The following SRPRB variants were observed in gnomAD, a reference collection of about 807,000 sequenced individuals.
SRPRB encodes the protein SRP receptor subunit beta, also known as signal recognition particle receptor subunit beta.
Under a neutral mutation model 31.9 loss-of-function variants are expected in SRPRB, and 20 were observed. The ratio of observed to expected loss-of-function variants is 0.63; its 90% CI spans 0.44 to 0.91. The LOEUF is 0.91. Among genes scored for constraint, SRPRB ranks in the 40% least tolerant of loss-of-function variants. SRPRB has a pLI of 0.00. For synonymous variants in SRPRB, 146 were observed against 132.8 expected (o/e 1.10, Z -0.68); for missense variants, 321 against 324.9 (o/e 0.99, Z 0.09).
intron 1 of SRPRB, chr3:133,785,179 T>G (rs1576372207): frequency 1.2e-5 from 1 of 82,608 alleles, no homozygotes; most frequent in Non-Finnish European, 2.5e-5. Context: ...GGTGGGGGGG[T>G]CAGCCCTCCG....
At chr3:133,810,529 G>A (rs1935240835) in intron 3 of SRPRB, 1 of 152,208 alleles carries the variant, frequency 6.6e-6, no homozygotes, top group Non-Finnish European at 1.5e-5. Flanking sequence ...CTCAGGAATT[G>A]ACACAAATGC....
chr3:133,784,500 A>G (rs889316343), intron 1 of SRPRB: 5 of 150,488 alleles, frequency 3.3e-5, no homozygotes, highest in Non-Finnish European at 7.4e-5. Context: ...AATAATAATA[A>G]TAATAATAGG....
At chr3:133,786,848 T>C (rs936011031) in intron 1 of SRPRB, 4 of 152,244 alleles carry the variant, frequency 2.6e-5, no homozygotes, top group Non-Finnish European at 5.9e-5. Flanking sequence ...AAACATCTTA[T>C]CTATGTAGAT....
upstream of SRPRB, among the ~76,000 whole-genome samples, chr3:133,804,164 C>T (rs1935108926): frequency 6.6e-6 from 1 of 151,390 alleles, no homozygotes; most frequent in Non-Finnish European, 1.5e-5. Context: ...CTATGTTGCC[C>T]AGGCTGGTCT....
At chr3:133,809,633 C>G (rs756483599) in intron 3 of SRPRB, among the ~76,000 whole-genome samples, 2 of 152,040 alleles carry the variant, frequency 1.3e-5, no homozygotes, top group Non-Finnish European at 2.9e-5. Flanking sequence ...TGCTTTAAAT[C>G]TGTACCTTCT....
upstream of SRPRB, among the ~76,000 whole-genome samples, chr3:133,802,584 G>A (rs565466656): frequency 1.2e-4 from 19 of 152,222 alleles, no homozygotes; most frequent in African/African-American, 4.6e-4. Flanking sequence ...CCTTGTCAAA[G>A]GAGCCTCTCT....
At chr3:133,817,034 A>G in intron 6 of SRPRB, 102 bp downstream of exon 6, 1 of 845,258 alleles carries the variant, frequency 1.2e-6, no homozygotes. Flanking sequence ...GATTATCACA[A>G]TTATAGACTG....
At chr3:133,813,012 ACT>A (rs1171552610) in intron 4 of SRPRB, among the ~76,000 whole-genome samples, 2 of 151,936 alleles carry the variant, frequency 1.3e-5, no homozygotes, top group East Asian at 3.9e-4. Flanking sequence ...TTCATTTGTA[ACT>A]CTATTTGGCC....
At chr3:133,804,392 G>C (rs1935112807), upstream of SRPRB, among the ~76,000 whole-genome samples, 1 of 152,074 alleles carries the variant, frequency 6.6e-6, no homozygotes, top group Non-Finnish European at 1.5e-5. Context: ...CATTGCAATG[G>C]GACTACGCAT....
At chr3:133,817,971 C>T (rs922562411) in intron 6 of SRPRB, among the ~76,000 whole-genome samples, 6 of 152,190 alleles carry the variant, frequency 3.9e-5, no homozygotes, top group Non-Finnish European at 8.8e-5. Flanking sequence ...AAATATGCGA[C>T]AAAATATTTA....
chr3:133,790,644 T>A (rs1288629446), intron 1 of SRPRB: 1 of 152,242 alleles, frequency 6.6e-6, no homozygotes, highest in East Asian at 1.9e-4. Flanking sequence ...TGTAAAGAAA[T>A]GCATCGGCAG....
chr3:133,805,814 C>T (rs368237852), upstream of SRPRB: 1 of 1,580,594 alleles, frequency 6.3e-7, no homozygotes, highest in Non-Finnish European at 8.6e-7. Flanking sequence ...AGGGCCACGT[C>T]GCTTTTGCTG....
At chr3:133,796,387 G>A (rs1445609198) in intron 1 of SRPRB, 1 of 152,220 alleles carries the variant, frequency 6.6e-6, no homozygotes, top group Non-Finnish European at 1.5e-5. Flanking sequence ...GAAGAATAGG[G>A]TCTGTAGGCA....
At chr3:133,804,044 C>T (rs1278569835), upstream of SRPRB, among the ~76,000 whole-genome samples, 5 of 131,948 alleles carry the variant, frequency 3.8e-5, no homozygotes, top group African/African-American at 1.5e-4. Context: ...TGCAGTGAGC[C>T]GAGATCGCAC....
At chr3:133,803,201 T>G (rs1935088286), upstream of SRPRB, among the ~76,000 whole-genome samples, 1 of 152,174 alleles carries the variant, frequency 6.6e-6, no homozygotes, top group Non-Finnish European at 1.5e-5. Context: ...TCTCAAGTCA[T>G]AGTCCTCCAT....
downstream of SRPRB, chr3:133,825,383 T>C (rs553725159): frequency 6.6e-6 from 1 of 152,412 alleles, no homozygotes; most frequent in South Asian, 2.1e-4. Flanking sequence ...TCCTTGTTTC[T>C]GTTGCCAGAG....
Position 133,811,155 on chromosome 3 carries a change from G to C in SRPRB, c.366G>C (p.Glu122Asp). The change falls in exon 4 of 7, where the codon GAG (glutamate) becomes GAC (aspartate). Residue 122 changes from glutamate to aspartate, a missense_variant. By Grantham distance (45) the Glu-to-Asp change is conservative. Transcript: ENST00000678299. ...SLTLIDLPGH[E>D]SLRLQFLERF... ...CCTTGATTGACCTTCCCGGCCATGA[G>C]AGTTTGAGGCTTCAGTTCTTAGAGC... The C allele has an allele frequency of 1.2e-6, 2 of 1,614,218 alleles. No individual in the cohort carries two copies. Among genetic ancestry groups the C allele is most frequent in the Non-Finnish European group, 1.7e-6 (2 of 1,180,036 alleles).
chr3:133,804,349 T>C (rs541619496), upstream of SRPRB, among the ~76,000 whole-genome samples: 12 of 152,068 alleles, frequency 7.9e-5, no homozygotes, highest in African/African-American at 2.9e-4. Flanking sequence ...AGAGGGACGC[T>C]CTAAAAGAAA....
intron 4 of SRPRB, among the ~76,000 whole-genome samples, chr3:133,812,398 A>G (rs991163565): frequency 1.3e-5 from 2 of 152,234 alleles, no homozygotes; most frequent in African/African-American, 4.8e-5. Context: ...TTTATTTCCA[A>G]TTAAATGTTT....
Sources: gnomAD v4.1 joint callset for allele counts (sites outside exome capture counted in the v4.1 genomes callset) on GRCh38, gnomAD v4.1.1 for gene constraint, MANE v1.5 for transcripts, NCBI Gene and HGNC (gene_info 2026-07-23, HGNC 2026-07-21) for gene names.